The following GPC5 variants were observed in gnomAD, a reference collection of about 807,000 sequenced individuals.
GPC5 encodes glypican-5.
Under a neutral mutation model 53.9 loss-of-function variants are expected in GPC5, and 47 were observed. The observed-to-expected ratio is 0.87, with a 90% CI of 0.69 to 1.11. The LOEUF (loss-of-function observed/expected upper bound fraction) is 1.11. Among genes scored for constraint, GPC5 ranks in the 50% most tolerant of loss-of-function variants. The probability of loss-of-function intolerance (pLI) is 0.00; values close to 1 mark genes in which losing one functional copy is unlikely to be tolerated. For synonymous variants in GPC5, 286 were observed against 263.3 expected, an observed-to-expected ratio of 1.09 and a Z score of -0.84; for missense variants, 748 against 713.1, an observed-to-expected ratio of 1.05 and a Z score of -0.56.
intron 7 of GPC5, among the ~76,000 whole-genome samples, chr13:92,611,013 G>A (rs532390042): frequency 6.9e-6 from 1 of 144,090 alleles, no homozygotes; most frequent in East Asian, 2.0e-4. Context: ...TCTCTGCTTA[G>A]TGATCAACTA....
chr13:92,129,803 A>G (rs749412886), intron 6 of GPC5, among the ~76,000 whole-genome samples: 25 of 152,310 alleles, frequency 1.6e-4, no homozygotes, highest in Middle Eastern at 3.4e-3. Context: ...ATGAGATTGA[A>G]TAAAGCAGAA....
In GPC5 at chr13:92,117,012, T is replaced by G. The variant is rs116058223; in HGVS notation, c.1402-27818T>G. Reference sequence around the variant, plus strand: ...GTTGTCTATTCTCTAAACAGCATCTTTCGTAGAGCAAAAATTTTTAATTTG... The same window carrying G: ...GTTGTCTATTCTCTAAACAGCATCTGTCGTAGAGCAAAAATTTTTAATTTG... On this transcript the variant is annotated intron_variant, in intron 6 of 7. Coordinates refer to ENST00000377067, the MANE Select transcript of GPC5 (RefSeq NM_004466.6). Among the ~76,000 whole-genome samples the G allele has an allele frequency of 6.1e-3, 927 of 152,338 alleles. 14 individuals are homozygous for G. Among genetic ancestry groups the G allele is most frequent in the African/African-American group, 0.021 (864 of 41,586 alleles).
At chr13:91,680,879 C>A (rs2035492602) in intron 2 of GPC5, among the ~76,000 whole-genome samples, 2 of 152,010 alleles carry the variant, frequency 1.3e-5, no homozygotes, top group African/African-American at 4.8e-5. Flanking sequence ...ATATTCTTCA[C>A]ACTAACATTT....
chr13:91,661,554 T>C (rs950587572), intron 2 of GPC5, among the ~76,000 whole-genome samples: 1 of 152,160 alleles, frequency 6.6e-6, no homozygotes, highest in Non-Finnish European at 1.5e-5. Flanking sequence ...CATTATGTGA[T>C]AAGTACTGTG....
intron 7 of GPC5, among the ~76,000 whole-genome samples, chr13:92,758,827 G>A (rs776935206): frequency 2.0e-5 from 3 of 151,880 alleles, no homozygotes; most frequent in Non-Finnish European, 2.9e-5. Context: ...AGGGGATTTC[G>A]CCTATATTTT....
chr13:91,645,543 T>C (rs1302148632), intron 2 of GPC5, among the ~76,000 whole-genome samples: 1 of 152,236 alleles, frequency 6.6e-6, no homozygotes, highest in Non-Finnish European at 1.5e-5. Context: ...TACTAGCTAC[T>C]TCATGAGAAT....
chr13:91,698,649 T>C (rs992695537), intron 3 of GPC5, among the ~76,000 whole-genome samples: 9 of 152,190 alleles, frequency 5.9e-5, no homozygotes, highest in African/African-American at 2.2e-4. Flanking sequence ...ATTCTCAAAA[T>C]CTCAGTCTCC....
chr13:91,891,493 T>C (rs2039386115), intron 5 of GPC5, among the ~76,000 whole-genome samples: 1 of 152,168 alleles, frequency 6.6e-6, no homozygotes, highest in Non-Finnish European at 1.5e-5. Flanking sequence ...TTTTATTGAA[T>C]TTATGCAAAT....
rs1335076451 is a variant in GPC5 at position 92,663,724 on chromosome 13, C to T, written c.1562-202558C>T. Among the ~76,000 whole-genome samples the T allele has an allele frequency of 1.6e-3, 197 of 121,624 alleles. 2 individuals carry two copies. The highest frequency in any genetic ancestry group is 9.4e-4 in the Non-Finnish European group (53 of 56,602). 79.8% of individuals were successfully genotyped at this position (121,624 alleles called of 152,430 possible). ...ATTATATATCTACTATATATATCTA[C>T]TAAATATATCTACTATATATATCTC... On this transcript the variant is annotated intron_variant, in intron 7 of 7. Coordinates refer to ENST00000377067, the MANE Select transcript of GPC5 (RefSeq NM_004466.6).
intron 6 of GPC5, among the ~76,000 whole-genome samples, chr13:92,022,892 A>G (rs1017044539): frequency 2.6e-5 from 4 of 152,064 alleles, no homozygotes; most frequent in African/African-American, 9.7e-5. Flanking sequence ...TAATTATTAA[A>G]CAAATTAAGA....
intron 7 of GPC5, among the ~76,000 whole-genome samples, chr13:92,185,341 G>A (rs537146636): frequency 2.6e-5 from 4 of 152,222 alleles, no homozygotes; most frequent in Non-Finnish European, 5.9e-5. Context: ...TATGGACATA[G>A]ATATCACTTA....
intron 7 of GPC5, among the ~76,000 whole-genome samples, chr13:92,796,877 T>C (rs1876704301): frequency 6.6e-6 from 1 of 151,968 alleles, no homozygotes; most frequent in Non-Finnish European, 1.5e-5. Flanking sequence ...TAATGAAAAA[T>C]CAATGATATA....
chr13:92,261,090 C>T (rs2042763723), intron 7 of GPC5, among the ~76,000 whole-genome samples: 2 of 152,082 alleles, frequency 1.3e-5, no homozygotes, highest in African/African-American at 4.8e-5. Context: ...ATGTTGTAAG[C>T]ATCTTTCTTA....
intron 7 of GPC5, among the ~76,000 whole-genome samples, chr13:92,546,426 A>G (rs1882115253): frequency 6.6e-6 from 1 of 152,140 alleles, no homozygotes; most frequent in Non-Finnish European, 1.5e-5. Flanking sequence ...AATTGCTTCA[A>G]AGAGAATAAA....
intron 4 of GPC5, among the ~76,000 whole-genome samples, chr13:91,748,717 T>C (rs1159388915): frequency 6.6e-6 from 1 of 152,032 alleles, no homozygotes; most frequent in African/African-American, 2.4e-5. Flanking sequence ...AGATGAGAAA[T>C]GAGGATGAAC....
At chr13:92,730,668 C>T (rs1888776254) in intron 7 of GPC5, among the ~76,000 whole-genome samples, 1 of 151,114 alleles carries the variant, frequency 6.6e-6, no homozygotes. Flanking sequence ...ATCTTTTCTC[C>T]ATTTACTTGC....
chr13:91,944,022 T>G (rs1482147721), intron 6 of GPC5, among the ~76,000 whole-genome samples: 2 of 151,872 alleles, frequency 1.3e-5, no homozygotes. Context: ...CTATGCTATT[T>G]TTACTTTCTC....
At chr13:91,704,051 C>A (rs1056283843) in intron 3 of GPC5, among the ~76,000 whole-genome samples, 3 of 152,076 alleles carry the variant, frequency 2.0e-5, no homozygotes, top group African/African-American at 4.8e-5. Context: ...GATTTTCTTT[C>A]TGGTTGATCT....
intron 7 of GPC5, among the ~76,000 whole-genome samples, chr13:92,353,224 C>A (rs1358066086): frequency 7.4e-6 from 1 of 135,606 alleles, no homozygotes; most frequent in Non-Finnish European, 1.5e-5. Flanking sequence ...TGCGCCACTG[C>A]AGTCCGCAGT....
Sources: gnomAD v4.1 joint callset for allele counts (sites outside exome capture counted in the v4.1 genomes callset) on GRCh38, gnomAD v4.1.1 for gene constraint, MANE v1.5 for transcripts, NCBI Gene and HGNC (gene_info 2026-07-23, HGNC 2026-07-21) for gene names.